HSPG2: variants seen among roughly 807,000 people sequenced by gnomAD.
HSPG2 encodes basement membrane-specific heparan sulfate proteoglycan core protein.
HSPG2 carries 278 observed loss-of-function variants against 526.6 expected under a neutral mutation model. The observed-to-expected ratio is 0.53, with a 90% CI of 0.48 to 0.58. The LOEUF is 0.58. Among genes scored for constraint, HSPG2 ranks in the 20% least tolerant of loss-of-function variants. The pLI is 0.00. For missense variants in HSPG2, 5,354 were observed against 6,099.5 expected (o/e 0.88, Z 4.07); for synonymous variants, 2,465 against 2,555.4 (o/e 0.96, Z 1.07).
chr1:21,895,662 A>C lies in HSPG2; in HGVS notation c.244+260T>G, dbSNP rs1158951425. Among the ~76,000 whole-genome samples the C allele has an allele frequency of 6.6e-6, 1 of 152,214 alleles. No individual in the cohort carries two copies. The highest frequency in any genetic ancestry group is 1.9e-4 in the East Asian group (1 of 5,192). On this transcript the variant is annotated intron_variant, in intron 3 of 96. Transcript: ENST00000374695. This position sits in a 1 kb window ranked among gnomAD's most constrained non-coding sequence, Gnocchi z 4.1. ...AACAGCTGACTGGCTGTCAGTCCCC[A>C]GCAGAACTGGGCTTTACCTGCCCAG...
At chr1:21,832,665 C>T in intron 80 of HSPG2, 59 bp from the exon 81 acceptor site, 1 of 1,362,158 alleles carries the variant, frequency 7.3e-7, no homozygotes, top group Non-Finnish European at 1.0e-6. Context: ...CTGTCCTCCC[C>T]CACCCTAGAA....
intron 1 of HSPG2, among the ~76,000 whole-genome samples, chr1:21,906,976 G>A (rs1643412714): frequency 6.6e-6 from 1 of 152,198 alleles, no homozygotes. Context: ...CCCCATGGAA[G>A]GAAAAGCGGG....
chr1:21,926,302 C>A (rs1296186426), intron 1 of HSPG2, among the ~76,000 whole-genome samples: 1 of 152,150 alleles, frequency 6.6e-6, no homozygotes, highest in African/African-American at 2.4e-5. Context: ...GGAACATTGA[C>A]TGGTGACCTA....
chr1:21,822,281 C>A lies in HSPG2; in HGVS notation c.*1035G>T, dbSNP rs1404990343. On this transcript the variant is annotated 3_prime_UTR_variant, in exon 97 of 97. Coordinates refer to ENST00000374695, the MANE Select transcript of HSPG2 (RefSeq NM_005529.7). ...CACCGTTTATTAAGAAAAATCAAGA[C>A]AAAGACCACAGGAGGGTCCCTTCTA... The A allele has an allele frequency of 2.0e-6, 3 of 1,533,012 alleles. No individual in the cohort carries two copies. The highest frequency in any genetic ancestry group is 2.7e-6 in the Non-Finnish European group (3 of 1,107,180). 95.0% of individuals were successfully genotyped at this position (1,533,012 alleles called of 1,614,324 possible). A position where few individuals can be genotyped will look rare whatever the true frequency, so the allele number is the denominator to read the frequency against.
chr1:21,896,646 T>TG (rs979096688), intron 1 of HSPG2, among the ~76,000 whole-genome samples: 1 of 150,856 alleles, frequency 6.6e-6, no homozygotes, highest in Non-Finnish European at 1.5e-5. Context: ...AGTGAGTGGA[T>TG]GGGGGGATGC....
chr1:21,838,379 G>A (rs2098035515), intron 74 of HSPG2, among the ~76,000 whole-genome samples: 1 of 152,180 alleles, frequency 6.6e-6, no homozygotes, highest in Non-Finnish European at 1.5e-5. Flanking sequence ...ATCCACTGAA[G>A]CCCTGGGCGT....
Position 21,845,726 on chromosome 1 carries a change from C to T in HSPG2, c.8464+382G>A, listed in dbSNP as rs142062760. 1.3e-3 allele frequency among the ~76,000 whole-genome samples: 203 copies of T among 152,198 alleles called. 3 individuals are homozygous for T. The highest frequency in any genetic ancestry group is 0.011 in the Admixed American group (171 of 15,284). ...CTCCAATACTCGCAGAGGTGCAGTC[C>T]CAGGCTTTTGGGAACTCTATAATTA... On this transcript the variant is annotated intron_variant, in intron 64 of 96. Transcript: ENST00000374695.
chr1:21,857,237 G>A (rs1024506352), intron 43 of HSPG2, 42 bp from the exon 44 acceptor site: 2 of 1,613,878 alleles, frequency 1.2e-6, no homozygotes, highest in Non-Finnish European at 1.7e-6. Flanking sequence ...GGGGCTCAGA[G>A]ACCCCAGAAG....
intron 33 of HSPG2, chr1:21,870,995 G>T: frequency 2.2e-6 from 1 of 464,112 alleles, no homozygotes; most frequent in Non-Finnish European, 2.8e-6. Context: ...GGGACCAGAA[G>T]GCAGCCAGCC....
chr1:21,898,075 G>A lies in HSPG2; in HGVS notation c.64-1765C>T, dbSNP rs1296845410. Among the ~76,000 whole-genome samples, 3 of 152,160 alleles carry A rather than the reference G, an allele frequency of 2.0e-5. No homozygotes were observed. Among genetic ancestry groups the A allele is most frequent in the Non-Finnish European group, 4.4e-5 (3 of 68,046 alleles). ...GTGCTCAATAAATACTTGAATGAAT[G>A]AATAAATGAACGGACAAAAACGGAA... On this transcript the variant is annotated intron_variant, in intron 1 of 96. Coordinates refer to ENST00000374695, the MANE Select transcript of HSPG2 (RefSeq NM_005529.7). The surrounding 1 kb of genome is among the most constrained non-coding windows in gnomAD (Gnocchi z 4.0).
At chr1:21,928,175 G>C (rs1418429163) in intron 1 of HSPG2, among the ~76,000 whole-genome samples, 1 of 152,236 alleles carries the variant, frequency 6.6e-6, no homozygotes, top group Non-Finnish European at 1.5e-5. Context: ...CTTGAAGGCA[G>C]GGCCTTTTGA....
At chr1:21,891,051 A>G (rs907724895) in intron 3 of HSPG2, among the ~76,000 whole-genome samples, 3 of 152,220 alleles carry the variant, frequency 2.0e-5, no homozygotes, top group Non-Finnish European at 2.9e-5. Context: ...TGACTGGGAA[A>G]GGCTCTGCCA....
chr1:21,886,554 G>C (rs1175097230), intron 9 of HSPG2, among the ~76,000 whole-genome samples: 1 of 152,066 alleles, frequency 6.6e-6, no homozygotes, highest in Non-Finnish European at 1.5e-5. Flanking sequence ...AGGACATACA[G>C]GATACCACCT....
chr1:21,885,066 G>A lies in HSPG2; in HGVS notation c.1302C>T (p.Pro434=). Residue 434 remains proline, a synonymous_variant, in exon 11 of 97, where the codon CCC becomes CCT. Coordinates refer to ENST00000374695, the MANE Select transcript of HSPG2 (RefSeq NM_005529.7). ...VTFTCVAIGV[P]TPIINWRLNW... ...TGAGCCTCCAATTGATGATGGGGGT[G>A]GGGACGCCAATGGCCACGCAGGTGA... 1 of 1,613,896 alleles carries A rather than the reference G, an allele frequency of 6.2e-7. No individual in the cohort carries two copies. Among genetic ancestry groups the A allele is most frequent in the Admixed American group, 1.7e-5 (1 of 60,028 alleles).
Position 21,895,099 on chromosome 1 carries a change from C to T in HSPG2, c.244+823G>A, listed in dbSNP as rs184152533. Among the ~76,000 whole-genome samples, 217 of 150,350 alleles carry T rather than the reference C, an allele frequency of 1.4e-3. 2 individuals are homozygous for T. The highest frequency in any genetic ancestry group is 4.9e-3 in the African/African-American group (202 of 41,288). ...GGCCCAGGCCAGATTTGGCCAAGGC[C>T]TGCCTAGGGTGAAGGCAGCCCTGGA... On this transcript the variant is annotated intron_variant, in intron 3 of 96. Transcript: ENST00000374695. This position sits in a 1 kb window ranked among gnomAD's most constrained non-coding sequence, Gnocchi z 4.1.
At chr1:21,888,667 C>A (rs1386197716) in intron 6 of HSPG2, 1 of 1,365,204 alleles carries the variant, frequency 7.3e-7, no homozygotes, top group South Asian at 1.1e-5. Flanking sequence ...TACACTCTCA[C>A]CTGGTGTCAC....
intron 1 of HSPG2, among the ~76,000 whole-genome samples, chr1:21,919,986 A>G (rs1643990795): frequency 6.6e-6 from 1 of 152,098 alleles, no homozygotes; most frequent in East Asian, 1.9e-4. Flanking sequence ...GGCTCATTGC[A>G]ACTGCCGCCT....
At chr1:21,830,751 A>C (rs1255899820) in intron 85 of HSPG2, 6 of 395,398 alleles carry the variant, frequency 1.5e-5, no homozygotes, top group East Asian at 5.1e-5. Flanking sequence ...GTGGCGGGGT[A>C]GTGGTAAGAA....
At chr1:21,876,685 C>T (rs1364370430) in intron 21 of HSPG2, 33 bp from the exon 22 acceptor site, 1 of 1,613,900 alleles carries the variant, frequency 6.2e-7, no homozygotes, top group South Asian at 1.1e-5. Context: ...GAAGGACAGC[C>T]CATGGGAGAG....
Sources: allele counts gnomAD v4.1 joint callset (sites outside exome capture counted in the v4.1 genomes callset), GRCh38; gene constraint gnomAD v4.1.1; non-coding constraint Gnocchi (gnomAD v3.1); transcripts MANE v1.5; gene names NCBI Gene and HGNC (gene_info 2026-07-23, HGNC 2026-07-21).